RFX3: variants seen among roughly 807,000 people sequenced by gnomAD.
The protein encoded by RFX3 is transcription factor RFX3.
Under a neutral mutation model 98.6 loss-of-function variants are expected in RFX3, and 14 were observed. The observed-to-expected ratio is 0.14, with a 90% CI of 0.09 to 0.22. The LOEUF (loss-of-function observed/expected upper bound fraction) is 0.22. Among genes scored for constraint, RFX3 ranks in the 10% least tolerant of loss-of-function variants. The pLI is 1.00. For missense variants in RFX3, 639 were observed against 926.9 expected (o/e 0.69, Z 4.03); for synonymous variants, 383 against 328.4 (o/e 1.17, Z -1.80).
chr9:3,399,819 C>G (rs1841298072), intron 1 of RFX3, among the ~76,000 whole-genome samples: 1 of 151,282 alleles, frequency 6.6e-6, no homozygotes, highest in Non-Finnish European at 1.5e-5. Flanking sequence ...CATGGTGGTG[C>G]ATGCCTGTAA....
At chr9:3,297,105 A>C (rs182657201) in intron 5 of RFX3, among the ~76,000 whole-genome samples, 100 of 152,240 alleles carry the variant, frequency 6.6e-4, no homozygotes, top group African/African-American at 2.4e-3. Flanking sequence ...TGAGCTACCC[A>C]AGGGAAGTTA....
rs752764062 is a variant in RFX3, at chr9:3,395,545, G to T, written c.44C>A (p.Thr15Asn). Residue 15 changes from threonine to asparagine, a missense_variant, in exon 2 of 17, where the codon ACC becomes AAC. Coordinates refer to ENST00000617270, the MANE Select transcript of RFX3 (RefSeq NM_001282116.2). Reference sequence around the variant, plus strand: ...TTGACTAGCCACAGATGTTTGTAAGGTCACTGTCGAGCCTGTGTCCGACCC... The same window carrying T: ...TTGACTAGCCACAGATGTTTGTAAGTTCACTGTCGAGCCTGTGTCCGACCC... ...ETGSDTGSTV[T>N]LQTSVASQAA... 1.9e-6 allele frequency: 3 copies of T among 1,614,014 alleles called. No individual in the cohort carries two copies. The highest frequency in any genetic ancestry group is 2.5e-6 in the Non-Finnish European group (3 of 1,179,918).
chr9:3,509,576 C>T (rs1385638846), intron 1 of RFX3, among the ~76,000 whole-genome samples: 1 of 151,870 alleles, frequency 6.6e-6, no homozygotes, highest in African/African-American at 2.4e-5. Context: ...ATAAAGCCTA[C>T]TGATGGTTTG....
At chr9:3,267,830 T>C (rs1323304567) in intron 11 of RFX3, among the ~76,000 whole-genome samples, 1 of 151,948 alleles carries the variant, frequency 6.6e-6, no homozygotes, top group Non-Finnish European at 1.5e-5. Flanking sequence ...ATAATCCCTT[T>C]TGAAACAGTA....
At chr9:3,262,203 T>C (rs577465378) in intron 13 of RFX3, among the ~76,000 whole-genome samples, 1 of 152,284 alleles carries the variant, frequency 6.6e-6, no homozygotes, top group African/African-American at 2.4e-5. Flanking sequence ...TGGGCAATGC[T>C]ATTGTTTTTA....
At chr9:3,406,954 C>T (rs1842026148) in intron 1 of RFX3, among the ~76,000 whole-genome samples, 1 of 152,226 alleles carries the variant, frequency 6.6e-6, no homozygotes, top group Admixed American at 6.5e-5. Flanking sequence ...TGCTCTGAAC[C>T]TTCTGACATA....
At chr9:3,383,179 A>G (rs531009839) in intron 2 of RFX3, among the ~76,000 whole-genome samples, 8 of 152,088 alleles carry the variant, frequency 5.3e-5, no homozygotes, top group Admixed American at 5.2e-4. Flanking sequence ...TTAAGGTTCT[A>G]TATTTATTGA....
At chr9:3,372,800 G>T in intron 2 of RFX3, among the ~76,000 whole-genome samples, 1 of 151,956 alleles carries the variant, frequency 6.6e-6, no homozygotes, top group Non-Finnish European at 1.5e-5. Context: ...TGGCCAGGCT[G>T]GTCTTGAACT....
intron 2 of RFX3, among the ~76,000 whole-genome samples, chr9:3,387,409 T>C (rs1839838265): frequency 6.6e-6 from 1 of 152,102 alleles, no homozygotes; most frequent in African/African-American, 2.4e-5. Context: ...AATCAAAGCA[T>C]ACTATTACTC....
intron 2 of RFX3, among the ~76,000 whole-genome samples, chr9:3,367,818 G>C (rs1181215143): frequency 1.3e-5 from 2 of 152,122 alleles, no homozygotes; most frequent in Non-Finnish European, 2.9e-5. Context: ...AGTTCGAATA[G>C]TTAAGTTACA....
intron 2 of RFX3, among the ~76,000 whole-genome samples, chr9:3,363,212 G>A (rs1836661855): frequency 6.6e-6 from 1 of 152,198 alleles, no homozygotes; most frequent in Non-Finnish European, 1.5e-5. Context: ...GCAGTATTAG[G>A]AGAGTTCTTT....
chr9:3,237,441 T>C (rs1364692132), intron 15 of RFX3, among the ~76,000 whole-genome samples: 3 of 152,232 alleles, frequency 2.0e-5, no homozygotes, highest in Non-Finnish European at 2.9e-5. Flanking sequence ...TTCAACTTTA[T>C]CTTTGTATGG....
chr9:3,303,647 GA>G (rs150313993), intron 4 of RFX3, among the ~76,000 whole-genome samples: 89 of 143,678 alleles, frequency 6.2e-4, no homozygotes, highest in East Asian at 1.0e-3. Context: ...CTTTTTCTGG[GA>G]AAAAAAAAAA....
chr9:3,441,387 TA>T (rs1845598460), intron 1 of RFX3, among the ~76,000 whole-genome samples: 1 of 152,110 alleles, frequency 6.6e-6, no homozygotes, highest in East Asian at 1.9e-4. Context: ...CAAGCAAACC[TA>T]GACACAGTGA....
At chr9:3,390,676 C>G (rs966410756) in intron 2 of RFX3, among the ~76,000 whole-genome samples, 1 of 152,106 alleles carries the variant, frequency 6.6e-6, no homozygotes, top group Non-Finnish European at 1.5e-5. Context: ...CTTATGAGAT[C>G]TGATGGTTTT....
chr9:3,225,724 C>A (rs1281971471), intron 16 of RFX3, among the ~76,000 whole-genome samples: 1 of 152,138 alleles, frequency 6.6e-6, no homozygotes, highest in African/African-American at 2.4e-5. Flanking sequence ...TTTATCTATG[C>A]TAGCGTTAAT....
At chr9:3,379,863 T>G (rs1189783385) in intron 2 of RFX3, among the ~76,000 whole-genome samples, 1 of 151,720 alleles carries the variant, frequency 6.6e-6, no homozygotes, top group Non-Finnish European at 1.5e-5. Flanking sequence ...TCATTTGACC[T>G]TTATAACTTA....
In RFX3 at chr9:3,412,944, C is replaced by A. The variant is rs1842581128; in HGVS notation, c.-8-17348G>T. On this transcript the variant is annotated intron_variant, in intron 1 of 16. Transcript: ENST00000617270. ...TCAATAACTATAGAGAACAGGGTTACTTCAGAAAATAAGATTCTAATATGT... is the reference window on the plus strand; with the variant it reads ...TCAATAACTATAGAGAACAGGGTTAATTCAGAAAATAAGATTCTAATATGT... 2.0e-5 allele frequency among the ~76,000 whole-genome samples: 3 copies of A among 152,166 alleles called. No homozygotes were observed. In the South Asian group the frequency reaches 6.2e-4, roughly 32 times the overall value.
intron 4 of RFX3, among the ~76,000 whole-genome samples, chr9:3,317,372 G>A (rs1345156555): frequency 6.6e-6 from 1 of 152,180 alleles, no homozygotes; most frequent in East Asian, 1.9e-4. Flanking sequence ...ATTAATTCAA[G>A]ATGGATTAAA....
Sources: allele counts gnomAD v4.1 joint callset (sites outside exome capture counted in the v4.1 genomes callset), GRCh38; gene constraint gnomAD v4.1.1; transcripts MANE v1.5; gene names NCBI Gene and HGNC (gene_info 2026-07-23, HGNC 2026-07-21).